Variants in DISP1 observed in about 807,000 individuals in gnomAD.
DISP1 encodes dispatched RND transporter family member 1, also known as protein dispatched homolog 1.
DISP1 carries 30 observed loss-of-function variants against 37.3 expected under a neutral mutation model. The ratio of observed to expected loss-of-function variants is 0.80; its 90% CI spans 0.60 to 1.09. The LOEUF is 1.09. Ranked by LOEUF, DISP1 falls within the 50% of genes least tolerant of loss-of-function variation. DISP1 has a pLI of 0.00. For missense variants in DISP1, 1,598 were observed against 1,879.5 expected, an observed-to-expected ratio of 0.85 and a Z score of 2.77; for synonymous variants, 634 against 690.2, an observed-to-expected ratio of 0.92 and a Z score of 1.28.
chr1:222,885,383 A>G (rs569787215), intron 1 of DISP1, among the ~76,000 whole-genome samples: 1 of 151,454 alleles, frequency 6.6e-6, no homozygotes, highest in Admixed American at 6.6e-5. Context: ...GCACTTCCAT[A>G]CTTTGAAGTA....
At chr1:222,951,854 G>T (rs1675247530) in intron 3 of DISP1, among the ~76,000 whole-genome samples, 1 of 152,172 alleles carries the variant, frequency 6.6e-6, no homozygotes, top group Non-Finnish European at 1.5e-5. Context: ...TCTTTGATCG[G>T]TAAGTATTTA....
intron 1 of DISP1, among the ~76,000 whole-genome samples, chr1:222,891,517 G>A (rs544434999): frequency 6.0e-4 from 92 of 152,094 alleles, no homozygotes; most frequent in South Asian, 2.5e-3. Flanking sequence ...AGAGGGCTGA[G>A]ACCTAGAACC....
intron 3 of DISP1, among the ~76,000 whole-genome samples, chr1:222,977,218 G>T (rs2102671793): frequency 6.6e-6 from 1 of 151,636 alleles, no homozygotes; most frequent in East Asian, 1.9e-4. Flanking sequence ...TTTTTTAGCA[G>T]AGATGGGGTT....
At chr1:222,972,345 A>G (rs1572662146) in intron 3 of DISP1, among the ~76,000 whole-genome samples, 1 of 152,100 alleles carries the variant, frequency 6.6e-6, no homozygotes, top group East Asian at 1.9e-4. Flanking sequence ...TCACTGCAGT[A>G]GCTCCTAACC....
At chr1:222,975,501 A>G (rs1021296914) in intron 3 of DISP1, among the ~76,000 whole-genome samples, 1 of 152,232 alleles carries the variant, frequency 6.6e-6, no homozygotes, top group African/African-American at 2.4e-5. Flanking sequence ...AGAAACAGAC[A>G]ATTTGGAGCT....
At chr1:223,000,748 T>C (rs1207387323) in intron 8 of DISP1, among the ~76,000 whole-genome samples, 2 of 152,184 alleles carry the variant, frequency 1.3e-5, no homozygotes, top group Admixed American at 1.3e-4. Flanking sequence ...TCAGGGATCA[T>C]AGGTAACTTG....
intron 1 of DISP1, among the ~76,000 whole-genome samples, chr1:222,900,844 T>C (rs2125404218): frequency 6.6e-6 from 1 of 152,330 alleles, no homozygotes; most frequent in Middle Eastern, 3.4e-3. Flanking sequence ...AGGTACTTTG[T>C]AGGGAAATCT....
At position 222,936,048 on chromosome 1, in the gene DISP1, C is replaced by T. The variant is rs187866571; in HGVS notation, c.-17-6759C>T. ...GGTGACACTGGAATGCAACACCTTA[C>T]CTTTTTTATGTTTAGATGTGTTTAT... On this transcript the variant is annotated intron_variant, in intron 2 of 8. Coordinates refer to ENST00000675850, the MANE Select transcript of DISP1 (RefSeq NM_001377229.1). Among the ~76,000 whole-genome samples the T allele has an allele frequency of 2.0e-5, 3 of 152,246 alleles. No individual in the cohort carries two copies. In the East Asian group the frequency reaches 5.8e-4, roughly 29 times the overall value.
intron 3 of DISP1, among the ~76,000 whole-genome samples, chr1:222,980,041 T>G (rs1050160659): frequency 6.6e-6 from 1 of 152,120 alleles, no homozygotes; most frequent in Admixed American, 6.5e-5. Flanking sequence ...GAGAAAATTG[T>G]AAAAGATCTG....
At chr1:222,854,148 A>G (rs1668421910) in intron 1 of DISP1, among the ~76,000 whole-genome samples, 1 of 152,184 alleles carries the variant, frequency 6.6e-6, no homozygotes, top group African/African-American at 2.4e-5. Flanking sequence ...CAAGAGCTTT[A>G]TTTTTTATAA....
intron 1 of DISP1, among the ~76,000 whole-genome samples, chr1:222,853,199 T>G (rs1291007209): frequency 6.6e-6 from 1 of 152,140 alleles, no homozygotes; most frequent in African/African-American, 2.4e-5. Context: ...CAGGCTCACG[T>G]TGGAGGTGTC....
At chr1:222,987,699 A>G (rs1407943087) in intron 4 of DISP1, among the ~76,000 whole-genome samples, 4 of 152,228 alleles carry the variant, frequency 2.6e-5, no homozygotes, top group Non-Finnish European at 4.4e-5. Context: ...CAGTATGAAT[A>G]CTAAGCAATT....
chr1:222,843,918 A>G (rs1273551950), intron 1 of DISP1, among the ~76,000 whole-genome samples: 2 of 152,106 alleles, frequency 1.3e-5, no homozygotes, highest in Admixed American at 6.5e-5. Context: ...TACGCTGAAG[A>G]TATAGATATA....
intron 4 of DISP1, 135 bp from the exon 5 acceptor site, chr1:222,990,490 A>C: frequency 8.2e-7 from 1 of 1,213,768 alleles, no homozygotes; most frequent in Non-Finnish European, 1.2e-6. Context: ...ACCTGTATGT[A>C]GTCTACAATA....
At chr1:222,823,704 A>G (rs953351076) in intron 1 of DISP1, among the ~76,000 whole-genome samples, 2 of 152,200 alleles carry the variant, frequency 1.3e-5, no homozygotes, top group African/African-American at 2.4e-5. Flanking sequence ...GCAAAAAAGT[A>G]TATGTGTTTT....
At chr1:222,884,960 C>G (rs550324769) in intron 1 of DISP1, among the ~76,000 whole-genome samples, 3 of 152,238 alleles carry the variant, frequency 2.0e-5, no homozygotes, top group East Asian at 1.9e-4. Context: ...CCTCAGCCCC[C>G]CGAGTAGCTA....
At chr1:222,876,298 A>G (rs1487863991) in intron 1 of DISP1, among the ~76,000 whole-genome samples, 1 of 152,190 alleles carries the variant, frequency 6.6e-6, no homozygotes, top group Non-Finnish European at 1.5e-5. Context: ...CTTCTGGAGT[A>G]TATACTGTGA....
intron 3 of DISP1, among the ~76,000 whole-genome samples, chr1:222,964,659 A>G (rs1676336099): frequency 1.3e-5 from 2 of 152,202 alleles, no homozygotes; most frequent in Non-Finnish European, 2.9e-5. Context: ...TCACAGTGCT[A>G]CCTTGCACAG....
intron 1 of DISP1, among the ~76,000 whole-genome samples, chr1:222,836,762 TAC>T (rs545136268): frequency 0.029 from 4,317 of 147,456 alleles, 202 homozygotes; most frequent in African/African-American, 0.096. Flanking sequence ...TATATATATA[TAC>T]ACACACACAC....
Sources: gnomAD v4.1 joint callset for allele counts (sites outside exome capture counted in the v4.1 genomes callset) on GRCh38, gnomAD v4.1.1 for gene constraint, MANE v1.5 for transcripts, NCBI Gene and HGNC (gene_info 2026-07-23, HGNC 2026-07-21) for gene names.